Variants in NCKAP5 observed in about 807,000 individuals in gnomAD.
NCKAP5 encodes nck-associated protein 5.
A neutral mutation model predicts 167.0 loss-of-function variants in NCKAP5; 92 were observed. The ratio of observed to expected loss-of-function variants is 0.55; its 90% confidence interval spans 0.47 to 0.66. NCKAP5 has a LOEUF of 0.66. NCKAP5 is among the 30% of genes least tolerant of loss of function. NCKAP5 has a pLI of 0.00. For synonymous variants in NCKAP5, 891 were observed against 877.4 expected (o/e 1.02, Z -0.27); for missense variants, 2,378 against 2,315.0 (o/e 1.03, Z -0.56).
chr2:133,408,409 C>T (rs751321080), intron 3 of NCKAP5, among the ~76,000 whole-genome samples: 11 of 152,102 alleles, frequency 7.2e-5, no homozygotes, highest in Non-Finnish European at 1.2e-4. Context: ...TCCCTGAGAC[C>T]GAAATAATTG....
chr2:133,454,282 G>T (rs908682150), intron 3 of NCKAP5, among the ~76,000 whole-genome samples: 2 of 151,956 alleles, frequency 1.3e-5, no homozygotes, highest in Non-Finnish European at 2.9e-5. Flanking sequence ...GACTTACTTT[G>T]AAGTAAGTAT....
Position 133,547,248 on chromosome 2 carries a change from C to T in NCKAP5, c.-62+11802G>A, listed in dbSNP as rs577988908. The stretch of plus-strand genomic sequence containing the variant: ...TCCTACGCCCACGGAGTCTCGCTGA[C>T]TGCTAGCACAGCAGTCTGAGATCAA... On this transcript the variant is annotated intron_variant, in intron 2 of 19. Transcript: ENST00000409261. 2.3e-3 allele frequency among the ~76,000 whole-genome samples: 353 copies of T among 152,280 alleles called. 1 individual carries two copies. The highest frequency in any genetic ancestry group is 2.9e-3 in the East Asian group (15 of 5,170).
chr2:133,128,160 C>T lies in NCKAP5; in HGVS notation c.341+1818G>A, dbSNP rs978123196. 3.9e-5 allele frequency among the ~76,000 whole-genome samples: 6 copies of T among 152,240 alleles called. No individual in the cohort carries two copies. In the South Asian group the frequency reaches 1.0e-3, roughly 26 times the overall value. The stretch of plus-strand genomic sequence containing the variant: ...TTATAAAAACTTCATAATGACAAAG[C>T]TATATTATTTATCACCGGTCACAGT... On this transcript the variant is annotated intron_variant, in intron 6 of 19. Transcript: ENST00000409261.
chr2:133,460,474 G>C (rs1692134323), intron 3 of NCKAP5, among the ~76,000 whole-genome samples: 1 of 152,106 alleles, frequency 6.6e-6, no homozygotes, highest in Non-Finnish European at 1.5e-5. Flanking sequence ...AAGGAGTTCA[G>C]AAATATTCAC....
intron 11 of NCKAP5, among the ~76,000 whole-genome samples, chr2:132,819,555 G>T (rs1417295054): frequency 1.3e-5 from 2 of 152,200 alleles, no homozygotes; most frequent in Admixed American, 1.3e-4. Flanking sequence ...GCTCAAGAAA[G>T]ATACTAGAGA....
At chr2:132,908,597 A>AT (rs1450451197) in intron 8 of NCKAP5, among the ~76,000 whole-genome samples, 1 of 152,178 alleles carries the variant, frequency 6.6e-6, no homozygotes, top group African/African-American at 2.4e-5. Context: ...AAGCCTCTTG[A>AT]TTTAATAAAT....
rs1203519454 is a variant in NCKAP5, at chr2:132,782,758, G to A, written c.4053C>T (p.Ser1351=). The change falls in exon 14 of 20, where the codon TCC becomes TCT. Residue 1351 remains serine, a synonymous_variant. Transcript: ENST00000409261. The part of the protein sequence containing the change: ...PSGHPSSGKG[S]LGSSGSFSSQ... ...TGCTGAAGCTGCCTGAGCTCCCCAGGGAGCCCTTCCCGGAGGAGGGGTGCC... is the reference window on the plus strand; with the variant it reads ...TGCTGAAGCTGCCTGAGCTCCCCAGAGAGCCCTTCCCGGAGGAGGGGTGCC... 3 of 1,613,932 alleles carry A rather than the reference G, an allele frequency of 1.9e-6. No homozygotes were observed. In the South Asian group the frequency reaches 3.3e-5, roughly 18 times the overall value.
At chr2:133,025,214 A>C (rs1367977948) in intron 6 of NCKAP5, among the ~76,000 whole-genome samples, 2 of 152,256 alleles carry the variant, frequency 1.3e-5, no homozygotes, top group Non-Finnish European at 2.9e-5. Context: ...ACTAGGCAAC[A>C]ATCCAAAACT....
In NCKAP5 at chr2:133,327,436, C is replaced by T. The variant is rs141529929; in HGVS notation, c.70-24326G>A. ...GGCAAAGATATGTTAATAGTCACATCCCAGTGGCAATGCTGTTTAATGTTA... is the reference window on the plus strand; with the variant it reads ...GGCAAAGATATGTTAATAGTCACATTCCAGTGGCAATGCTGTTTAATGTTA... On this transcript the variant is annotated intron_variant, in intron 3 of 19. Coordinates refer to ENST00000409261, the MANE Select transcript of NCKAP5 (RefSeq NM_207363.3). 2.0e-3 allele frequency among the ~76,000 whole-genome samples: 302 copies of T among 152,284 alleles called. 8 individuals are homozygous for T. The East Asian group carries it at 0.049, about 25-fold the overall frequency.
intron 16 of NCKAP5, among the ~76,000 whole-genome samples, chr2:132,756,440 C>T (rs967117540): frequency 7.2e-5 from 11 of 152,050 alleles, no homozygotes; most frequent in Admixed American, 7.2e-4. Flanking sequence ...GAGTTAGACA[C>T]GCAGAGAGAC....
At chr2:133,593,065 A>G in the NCKAP5 span, among the ~76,000 whole-genome samples, 114 of 152,330 alleles carry the variant, frequency 7.5e-4, no homozygotes, top group African/African-American at 2.6e-3. Flanking sequence ...GGAAGATCCA[A>G]TAGTTCACAG....
chr2:133,255,426 GT>G (rs768999991), intron 4 of NCKAP5, among the ~76,000 whole-genome samples: 2 of 152,112 alleles, frequency 1.3e-5, no homozygotes, highest in Non-Finnish European at 2.9e-5. Flanking sequence ...AAACCCTGTG[GT>G]TTCTACTGAA....
At chr2:133,264,974 A>C (rs923310721) in intron 4 of NCKAP5, 6 of 152,236 alleles carry the variant, frequency 3.9e-5, no homozygotes, top group African/African-American at 1.4e-4. Context: ...CAGGCTTTTT[A>C]TCTAGACTGT....
At chr2:133,064,703 G>A (rs1051674080) in intron 6 of NCKAP5, among the ~76,000 whole-genome samples, 2 of 152,072 alleles carry the variant, frequency 1.3e-5, no homozygotes, top group African/African-American at 2.4e-5. Context: ...CTTGGCATAA[G>A]GAATACTTAA....
chr2:132,905,927 C>T (rs556873810), intron 8 of NCKAP5, among the ~76,000 whole-genome samples: 60 of 152,164 alleles, frequency 3.9e-4, no homozygotes, highest in African/African-American at 1.0e-3. Context: ...TATGAAGGGA[C>T]GCAGCAGAAC....
chr2:132,829,126 C>T lies in NCKAP5; in HGVS notation c.807+31366G>A, dbSNP rs1169871911. Among the ~76,000 whole-genome samples, 13 of 152,150 alleles carry T rather than the reference C, an allele frequency of 8.5e-5. No individual in the cohort carries two copies. In the East Asian group the frequency reaches 2.1e-3, roughly 25 times the overall value. On this transcript the variant is annotated intron_variant, in intron 11 of 19. Transcript: ENST00000409261. ...CTCATCAGATGAAGAAAATGTCAGT[C>T]GTGTTGTATTTATTGAATATTAGTA...
chr2:133,585,083 T>C, the NCKAP5 span, among the ~76,000 whole-genome samples: 2 of 152,128 alleles, frequency 1.3e-5, no homozygotes, highest in African/African-American at 4.8e-5. Flanking sequence ...TTCTGGGCTA[T>C]AGTAATCATT....
intron 16 of NCKAP5, among the ~76,000 whole-genome samples, chr2:132,766,002 C>G (rs188348836): frequency 4.6e-5 from 7 of 152,196 alleles, no homozygotes; most frequent in African/African-American, 1.4e-4. Flanking sequence ...GGAATGTAGG[C>G]TGGGCACGGT....
chr2:133,347,145 T>C (rs1037648484), intron 3 of NCKAP5, among the ~76,000 whole-genome samples: 3 of 152,254 alleles, frequency 2.0e-5, no homozygotes, highest in Non-Finnish European at 4.4e-5. Flanking sequence ...CTCCTAAACG[T>C]AGTAATGTTA....
Sources: allele counts gnomAD v4.1 joint callset (sites outside exome capture counted in the v4.1 genomes callset), GRCh38; gene constraint gnomAD v4.1.1; transcripts MANE v1.5; gene names NCBI Gene and HGNC (gene_info 2026-07-23, HGNC 2026-07-21).